SLC38A10: variants seen among roughly 807,000 people sequenced by gnomAD.
SLC38A10 encodes the protein solute carrier family 38 member 10, also known as Sodium-coupled neutral amino acid transporter 10.
SLC38A10 carries 53 observed loss-of-function variants against 81.0 expected under a neutral mutation model. That is an observed-to-expected ratio of 0.65 (90% CI 0.53 to 0.82). The LOEUF is 0.82. SLC38A10 is among the 40% of genes least tolerant of loss of function. The pLI is 0.00. For missense variants in SLC38A10, 1,471 were observed against 1,545.0 expected (o/e 0.95, Z 0.80); for synonymous variants, 665 against 655.3 (o/e 1.01, Z -0.23).
intron 12 of SLC38A10, 29 bp from the exon 13 acceptor site, chr17:81,252,712 C>G: frequency 6.4e-7 from 1 of 1,554,204 alleles, no homozygotes; most frequent in Non-Finnish European, 8.6e-7. Flanking sequence ...CAGATGGGGT[C>G]AGGCTGAGGC....
Position 81,276,225 on chromosome 17 carries a change from G to A in SLC38A10, c.730-74C>T. On this transcript the variant is annotated intron_variant, in intron 7 of 15. Transcript: ENST00000374759. This position sits in a 1 kb window ranked among gnomAD's most constrained non-coding sequence, Gnocchi z 4.7. ...AGTGGCACCTGTCACAGTGGGCAGG[G>A]CATGGGGGGGACCTGTGCCCTGCCC... The A allele has an allele frequency of 7.1e-7, 1 of 1,416,062 alleles. No homozygotes were observed. The allele number at this position is 1,416,062 out of a possible 1,614,324, so 87.7% of individuals were successfully genotyped here. A position where few individuals can be genotyped will look rare whatever the true frequency, so the allele number is the denominator to read the frequency against.
Position 81,283,944 on chromosome 17 carries a change from G to A in SLC38A10, c.264-442C>T, listed in dbSNP as rs2063239957. Among the ~76,000 whole-genome samples, 2 of 151,688 alleles carry A rather than the reference G, an allele frequency of 1.3e-5. No individual in the cohort carries two copies. Among genetic ancestry groups the A allele is most frequent in the Non-Finnish European group, 2.9e-5 (2 of 67,966 alleles). ...GATTTCAAACGCGCCCCAGTTCACA[G>A]GGCGCGGGCAGGTTCTGTGGCGCTC... On this transcript the variant is annotated intron_variant, in intron 3 of 15. Transcript: ENST00000374759. This position sits in a 1 kb window ranked among gnomAD's most constrained non-coding sequence, Gnocchi z 4.7.
At chr17:81,279,765 C>T (rs375938029) in intron 6 of SLC38A10, 10 of 156,318 alleles carry the variant, frequency 6.4e-5, no homozygotes, top group Non-Finnish European at 1.1e-4. Flanking sequence ...TAACTAGGTA[C>T]GTGGCGGAAG....
chr17:81,249,044 A>G (rs1244835258), intron 14 of SLC38A10, among the ~76,000 whole-genome samples: 3 of 152,058 alleles, frequency 2.0e-5, no homozygotes, highest in Non-Finnish European at 4.4e-5. Flanking sequence ...CGGAATGTCA[A>G]TGGTACAAGG....
At chr17:81,258,570 C>T (rs896549008) in intron 11 of SLC38A10, among the ~76,000 whole-genome samples, 10 of 152,118 alleles carry the variant, frequency 6.6e-5, no homozygotes, top group East Asian at 1.9e-4. Flanking sequence ...GTCCACTCCC[C>T]GGCAGCCTGC....
Position 81,270,270 on chromosome 17 carries a change from C to T in SLC38A10, c.1131+648G>A, listed in dbSNP as rs71373065. On this transcript the variant is annotated intron_variant, in intron 10 of 15. Coordinates refer to ENST00000374759, the MANE Select transcript of SLC38A10 (RefSeq NM_001037984.3). The surrounding 1 kb of genome is among the most constrained non-coding windows in gnomAD (Gnocchi z 4.0). Reference sequence around the variant, plus strand: ...CCATTTCTAGAAGGCTTCCTACAGACGCGTGCTCAAATACGTCGACATGCT... The same window carrying T: ...CCATTTCTAGAAGGCTTCCTACAGATGCGTGCTCAAATACGTCGACATGCT... Among the ~76,000 whole-genome samples, 4,205 of 152,286 alleles carry T rather than the reference C, an allele frequency of 0.028. 77 individuals carry two copies. Among genetic ancestry groups the T allele is most frequent in the Middle Eastern group, 0.065 (19 of 294 alleles).
intron 3 of SLC38A10, among the ~76,000 whole-genome samples, chr17:81,284,590 G>C (rs2063246372): frequency 6.6e-6 from 1 of 152,188 alleles, no homozygotes; most frequent in African/African-American, 2.4e-5. Flanking sequence ...GTGTTTGAGG[G>C]GTAGGTGAGG....
rs768909856 is a variant in SLC38A10, at chr17:81,289,112, C to A, written c.217+579G>T. ...CTCGAGTGCAGTGGCGTGATCTCAG[C>A]TCACTGCAGCCTCCACCTATCGGGT... On this transcript the variant is annotated intron_variant, in intron 2 of 15. Transcript: ENST00000374759. The surrounding 1 kb of genome is among the most constrained non-coding windows in gnomAD (Gnocchi z 5.9). Among the ~76,000 whole-genome samples, 1 of 152,186 alleles carries A rather than the reference C, an allele frequency of 6.6e-6. No individual in the cohort carries two copies. The highest frequency in any genetic ancestry group is 1.5e-5 in the Non-Finnish European group (1 of 68,030).
chr17:81,269,188 C>G (rs2063093847), intron 10 of SLC38A10, among the ~76,000 whole-genome samples: 1 of 152,122 alleles, frequency 6.6e-6, no homozygotes, highest in Admixed American at 6.5e-5. Context: ...ATTATCATAC[C>G]TTTCTCACAA....
At chr17:81,261,404 A>G (rs2063022558) in intron 10 of SLC38A10, among the ~76,000 whole-genome samples, 1 of 152,240 alleles carries the variant, frequency 6.6e-6, no homozygotes, top group Non-Finnish European at 1.5e-5. Flanking sequence ...GCCTGTGTGC[A>G]CTGGCAAGGC....
At position 81,276,994 on chromosome 17, in the gene SLC38A10, T is replaced by C; in HGVS notation, c.729+37A>G. 2.5e-6 allele frequency: 4 copies of C among 1,597,474 alleles called. No homozygotes were observed. Among genetic ancestry groups the C allele is most frequent in the Non-Finnish European group, 3.4e-6 (4 of 1,165,442 alleles). ...GGCACCACGGCACATCATGCTGGCA[T>C]GACACAGGGGCGGAGAGGGCGTGGC... On this transcript the variant is annotated intron_variant, in intron 7 of 15. Transcript: ENST00000374759. The surrounding 1 kb of genome is among the most constrained non-coding windows in gnomAD (Gnocchi z 4.7).
At position 81,245,338 on chromosome 17, in the gene SLC38A10, C is replaced by T; in HGVS notation, c.*218G>A. On this transcript the variant is annotated 3_prime_UTR_variant, in exon 16 of 16. Coordinates refer to ENST00000374759, the MANE Select transcript of SLC38A10 (RefSeq NM_001037984.3). ...TCAGAGTCTAGAGGTCAGAGGACCT[C>T]AGACTAAGAGCTGCAACAGAACGAC... 1 of 587,442 alleles carries T rather than the reference C, an allele frequency of 1.7e-6. No homozygotes were observed. Among genetic ancestry groups the T allele is most frequent in the South Asian group, 2.5e-5 (1 of 40,148 alleles). 36.4% of individuals were successfully genotyped at this position (587,442 alleles called of 1,614,324 possible). A position where few individuals can be genotyped will look rare whatever the true frequency, so the allele number is the denominator to read the frequency against.
chr17:81,258,155 G>A (rs1363526515), intron 11 of SLC38A10, among the ~76,000 whole-genome samples: 1 of 152,168 alleles, frequency 6.6e-6, no homozygotes, highest in Non-Finnish European at 1.5e-5. Flanking sequence ...CCAGGGCCAC[G>A]CAGGACTCTC....
rs1345099138 is a variant in SLC38A10 at position 81,265,537 on chromosome 17, C to G, written c.1132-5143G>C. On this transcript the variant is annotated intron_variant, in intron 10 of 15. Transcript: ENST00000374759. The surrounding 1 kb of genome is among the most constrained non-coding windows in gnomAD (Gnocchi z 4.2). ...CTTTCTCCAGCACAGCCTTGATTCA[C>G]CTACTACACAGGTGTCCCCACTTCC... 1 of 152,004 alleles carries G rather than the reference C, an allele frequency of 6.6e-6. No homozygotes were observed. Among genetic ancestry groups the G allele is most frequent in the Non-Finnish European group, 1.5e-5 (1 of 68,092 alleles). 9.4% of individuals were successfully genotyped at this position (152,004 alleles called of 1,614,324 possible). A position where few individuals can be genotyped will look rare whatever the true frequency, so the allele number is the denominator to read the frequency against.
rs115834356 is a variant in SLC38A10, at chr17:81,288,537, C to T, written c.217+1154G>A. On this transcript the variant is annotated intron_variant, in intron 2 of 15. Transcript: ENST00000374759. This position sits in a 1 kb window ranked among gnomAD's most constrained non-coding sequence, Gnocchi z 5.4. Reference sequence around the variant, plus strand: ...GCCGAGCCTGTGGCGGGCAGGGAGACAGCGCGGGCCACACAGCCTGTGGGC... The same window carrying T: ...GCCGAGCCTGTGGCGGGCAGGGAGATAGCGCGGGCCACACAGCCTGTGGGC... 6.9e-3 allele frequency among the ~76,000 whole-genome samples: 1,052 copies of T among 152,328 alleles called. 15 individuals carry two copies. The highest frequency in any genetic ancestry group is 0.024 in the African/African-American group (991 of 41,572).
At chr17:81,248,242 C>A (rs1203879845) in intron 14 of SLC38A10, among the ~76,000 whole-genome samples, 3 of 152,198 alleles carry the variant, frequency 2.0e-5, no homozygotes, top group Non-Finnish European at 2.9e-5. Context: ...CAGGCATGAG[C>A]CACCGCACCC....
intron 14 of SLC38A10, among the ~76,000 whole-genome samples, chr17:81,249,137 C>T (rs2146879970): frequency 6.7e-6 from 1 of 149,494 alleles, no homozygotes; most frequent in African/African-American, 2.5e-5. Flanking sequence ...TCACTTGCTC[C>T]TCAAAGGACT....
intron 14 of SLC38A10, chr17:81,247,456 G>A (rs1052222756): frequency 5.7e-6 from 1 of 174,924 alleles, no homozygotes; most frequent in Non-Finnish European, 1.2e-5. Context: ...GAATGTCAGA[G>A]ATGGTTATCT....
chr17:81,266,606 G>A (rs1232079598), intron 10 of SLC38A10, among the ~76,000 whole-genome samples: 9 of 146,378 alleles, frequency 6.1e-5, no homozygotes, highest in Admixed American at 5.5e-4. Flanking sequence ...GCGACAGAGT[G>A]AGACTCCATC....
Sources: gnomAD v4.1 joint callset for allele counts (sites outside exome capture counted in the v4.1 genomes callset) on GRCh38, gnomAD v4.1.1 for gene constraint, Gnocchi (gnomAD v3.1) non-coding constraint, MANE v1.5 for transcripts, NCBI Gene and HGNC (gene_info 2026-07-23, HGNC 2026-07-21) for gene names.